The following CSMD3 variants were observed in gnomAD, a reference collection of about 807,000 sequenced individuals.
CSMD3 encodes the protein CUB and Sushi multiple domains 3, also known as CUB and sushi domain-containing protein 3.
CSMD3 carries 177 observed loss-of-function variants against 435.2 expected under a neutral mutation model. The observed-to-expected ratio is 0.41, with a 90% CI of 0.36 to 0.46. The LOEUF is 0.46. CSMD3 is among the 20% of genes least tolerant of loss of function. The pLI is 0.34. For missense variants in CSMD3, 4,265 were observed against 4,504.6 expected (o/e 0.95, Z 1.52); for synonymous variants, 1,656 against 1,520.5 (o/e 1.09, Z -2.07).
At chr8:112,986,952 TTCC>T (rs1433689490) in intron 6 of CSMD3, among the ~76,000 whole-genome samples, 3 of 152,054 alleles carry the variant, frequency 2.0e-5, no homozygotes, top group Non-Finnish European at 4.4e-5. Context: ...TTCTATGAGT[TTCC>T]CTCATCTTCC....
At chr8:113,113,963 T>C (rs1588098640) in intron 4 of CSMD3, among the ~76,000 whole-genome samples, 1 of 152,134 alleles carries the variant, frequency 6.6e-6, no homozygotes, top group Admixed American at 6.6e-5. Flanking sequence ...ATCATATACA[T>C]GGAGGACAAT....
Position 112,330,615 on chromosome 8 carries a change from T to C in CSMD3, c.7165+4714A>G, listed in dbSNP as rs193228843. Among the ~76,000 whole-genome samples, 68 of 152,228 alleles carry C rather than the reference T, an allele frequency of 4.5e-4. 1 individual carries two copies. The highest frequency in any genetic ancestry group is 4.4e-3 in the Admixed American group (68 of 15,282). ...AAACTATAAAGAATACATTGAGCTGTGATAAATCTATAATGTACTGTCACT... is the reference window on the plus strand; with the variant it reads ...AAACTATAAAGAATACATTGAGCTGCGATAAATCTATAATGTACTGTCACT... On this transcript the variant is annotated intron_variant, in intron 45 of 70. Coordinates refer to ENST00000297405, the MANE Select transcript of CSMD3 (RefSeq NM_198123.2).
chr8:112,906,454 G>C (rs556816120), intron 10 of CSMD3, among the ~76,000 whole-genome samples: 183 of 150,982 alleles, frequency 1.2e-3, no homozygotes, highest in African/African-American at 4.1e-3. Context: ...AAGCAAGCAA[G>C]CAACCAACCA....
chr8:112,452,645 C>T (rs1816413005), intron 32 of CSMD3, among the ~76,000 whole-genome samples: 5 of 152,134 alleles, frequency 3.3e-5, no homozygotes, highest in Admixed American at 3.3e-4. Context: ...GACAATTTAA[C>T]TCTATAACAG....
At chr8:112,573,477 A>G in intron 24 of CSMD3, 24 bp downstream of exon 24, 1 of 1,600,230 alleles carries the variant, frequency 6.2e-7, no homozygotes, top group Non-Finnish European at 8.6e-7. Context: ...GTGTTTGGCC[A>G]TTTTACTCTT....
At chr8:112,589,601 G>A (rs1328091206) in intron 22 of CSMD3, among the ~76,000 whole-genome samples, 1 of 152,062 alleles carries the variant, frequency 6.6e-6, no homozygotes, top group Non-Finnish European at 1.5e-5. Context: ...AACATGATTA[G>A]CACAGCAAGT....
chr8:112,801,083 C>T (rs1026471932), intron 12 of CSMD3, among the ~76,000 whole-genome samples: 1 of 151,896 alleles, frequency 6.6e-6, no homozygotes, highest in Non-Finnish European at 1.5e-5. Context: ...AGTAAATGTC[C>T]ACATTGATAA....
chr8:112,726,026 AG>A (rs2076956862), intron 13 of CSMD3, among the ~76,000 whole-genome samples: 1 of 151,930 alleles, frequency 6.6e-6, no homozygotes, highest in Admixed American at 6.6e-5. Flanking sequence ...GGAAGGCAAA[AG>A]GGAAGCAAGG....
chr8:112,806,173 TC>T (rs1284367503), intron 12 of CSMD3, among the ~76,000 whole-genome samples: 1 of 152,196 alleles, frequency 6.6e-6, no homozygotes, highest in Non-Finnish European at 1.5e-5. Flanking sequence ...GTGTAATAAT[TC>T]CTCGGATCCT....
At chr8:113,109,321 A>T (rs530374854) in intron 4 of CSMD3, among the ~76,000 whole-genome samples, 203 of 152,332 alleles carry the variant, frequency 1.3e-3, no homozygotes, top group African/African-American at 4.7e-3. Flanking sequence ...TAAAGTCAAG[A>T]GTCCTATTTC....
chr8:113,349,864 T>C (rs185940880), intron 1 of CSMD3, among the ~76,000 whole-genome samples: 145 of 152,190 alleles, frequency 9.5e-4, no homozygotes, highest in African/African-American at 3.3e-3. Flanking sequence ...CGTTAAGATA[T>C]GAAATCTATT....
chr8:112,598,399 C>A (rs1202202260), intron 22 of CSMD3, among the ~76,000 whole-genome samples: 1 of 150,808 alleles, frequency 6.6e-6, no homozygotes, highest in Non-Finnish European at 1.5e-5. Context: ...ACATTCCATG[C>A]TCATGGATAG....
At position 112,314,543 on chromosome 8, in the gene CSMD3, G is replaced by A. The variant is rs2130837420; in HGVS notation, c.7435C>T (p.Pro2479Ser). 6.2e-7 allele frequency: 1 copy of A among 1,612,086 alleles called. No individual in the cohort carries two copies. Among genetic ancestry groups the A allele is most frequent in the Non-Finnish European group, 8.5e-7 (1 of 1,178,392 alleles). The change falls in exon 48 of 71, where the codon CCA (proline) becomes TCA (serine). Residue 2479 changes from proline (P) to serine (S), a missense_variant. By Grantham distance (74) the Pro-to-Ser change is moderately conservative. This residue lies in a region of CSMD3 where 3,255 missense variants were observed against 3,380.2 expected (regional missense o/e 0.96). Coordinates refer to ENST00000297405, the MANE Select transcript of CSMD3 (RefSeq NM_198123.2). ...CTCCATGCACACATTTGAAGATTTG[G>A]GTAACTGTCAGGATATCCAGGGCTC... ...ILSPGYPDSY[P>S]NLQMCAWSIS...
chr8:112,840,969 A>C (rs949211286), intron 11 of CSMD3, among the ~76,000 whole-genome samples: 3 of 151,640 alleles, frequency 2.0e-5, no homozygotes, highest in African/African-American at 7.2e-5. Context: ...AGAATATAGT[A>C]AATTTAAAAA....
At chr8:113,176,037 G>A (rs926317604) in intron 3 of CSMD3, among the ~76,000 whole-genome samples, 6 of 152,068 alleles carry the variant, frequency 3.9e-5, no homozygotes, top group African/African-American at 1.4e-4. Context: ...TGGAAATCAT[G>A]TCAGGTGAAG....
At chr8:112,426,249 G>A (rs930100846) in intron 32 of CSMD3, among the ~76,000 whole-genome samples, 3 of 152,062 alleles carry the variant, frequency 2.0e-5, no homozygotes, top group Admixed American at 1.3e-4. Context: ...CAGGGGGTGG[G>A]GAGTGAGGGT....
At position 112,984,216 on chromosome 8, in the gene CSMD3, GA is replaced by G. The variant is rs532842595; in HGVS notation, c.1031-8069del. On this transcript the variant is annotated intron_variant, in intron 6 of 70. Transcript: ENST00000297405. Reference sequence around the variant, plus strand: ...GGATATTTATATTTGTCCATATTTAGAGATAAATGTATTTCTTATGTGATTA... The same window carrying G: ...GGATATTTATATTTGTCCATATTTAGGATAAATGTATTTCTTATGTGATTA... 6.6e-3 allele frequency among the ~76,000 whole-genome samples: 1,003 copies of G among 151,730 alleles called. 11 individuals are homozygous for G. Among genetic ancestry groups the G allele is most frequent in the African/African-American group, 0.023 (962 of 41,428 alleles).
intron 26 of CSMD3, among the ~76,000 whole-genome samples, chr8:112,552,041 A>G (rs561084682): frequency 1.2e-4 from 19 of 152,242 alleles, no homozygotes; most frequent in Non-Finnish European, 2.5e-4. Flanking sequence ...CTCTGCGGAA[A>G]AGGGAAATCT....
chr8:112,982,019 G>A lies in CSMD3; in HGVS notation c.1031-5871C>T, dbSNP rs2085070997. Among the ~76,000 whole-genome samples the A allele has an allele frequency of 2.0e-5, 3 of 151,730 alleles. No homozygotes were observed. The South Asian group carries it at 6.2e-4, about 31-fold the overall frequency. On this transcript the variant is annotated intron_variant, in intron 6 of 70. Transcript: ENST00000297405. The stretch of plus-strand genomic sequence containing the variant: ...TGCTAGAGAAAAGCTATTTTAAATG[G>A]AGAGTTTAAGAATCTTGAAAATAGT...
Sources: gnomAD v4.1 joint callset for allele counts (sites outside exome capture counted in the v4.1 genomes callset) on GRCh38, gnomAD v4.1.1 for gene constraint, gnomAD v4.1.1 regional missense constraint, MANE v1.5 for transcripts, NCBI Gene and HGNC (gene_info 2026-07-23, HGNC 2026-07-21) for gene names.